The following KANSL1 variants were observed in gnomAD, a reference collection of about 807,000 sequenced individuals.
KANSL1 encodes KAT8 regulatory NSL complex subunit 1.
A neutral mutation model predicts 103.6 loss-of-function variants in KANSL1; 22 were observed. The ratio of observed to expected loss-of-function variants is 0.21; its 90% CI spans 0.15 to 0.30. The LOEUF is 0.30. Among genes scored for constraint, KANSL1 ranks in the 10% least tolerant of loss-of-function variants. The pLI is 1.00. For synonymous variants in KANSL1, 600 were observed against 527.6 expected (o/e 1.14, Z -1.88); for missense variants, 1,337 against 1,399.8 (o/e 0.96, Z 0.72).
chr17:46,220,428 G>C (rs1471577938), intron 1 of KANSL1, among the ~76,000 whole-genome samples: 1 of 152,084 alleles, frequency 6.6e-6, no homozygotes, highest in Non-Finnish European at 1.5e-5. Context: ...GTGTTAGCCA[G>C]GATGGTCTCG....
chr17:46,195,542 C>T (rs1371028197), upstream of KANSL1, among the ~76,000 whole-genome samples: 3 of 152,194 alleles, frequency 2.0e-5, no homozygotes, highest in Non-Finnish European at 4.4e-5. Flanking sequence ...TAAAATCAGA[C>T]ATCTTTCTTA....
At chr17:46,096,178 A>G (rs2042055614) in intron 2 of KANSL1, among the ~76,000 whole-genome samples, 1 of 147,618 alleles carries the variant, frequency 6.8e-6, no homozygotes, top group African/African-American at 2.5e-5. Context: ...CTCACACTCT[A>G]TCATTGAGGC....
intron 2 of KANSL1, among the ~76,000 whole-genome samples, chr17:46,147,737 G>A (rs1418372667): frequency 6.6e-6 from 1 of 152,200 alleles, no homozygotes; most frequent in Admixed American, 6.5e-5. Context: ...AGCATTGGAA[G>A]AAGTTGTAAG....
intron 1 of KANSL1, among the ~76,000 whole-genome samples, chr17:46,209,346 G>C (rs1289439196): frequency 6.6e-6 from 1 of 152,224 alleles, no homozygotes; most frequent in Non-Finnish European, 1.5e-5. Context: ...ACTGGGGAAG[G>C]TAGAGGGGAA....
chr17:46,092,755 T>C (rs1349701859), intron 3 of KANSL1: 1 of 142,760 alleles, frequency 7.0e-6, no homozygotes, highest in Non-Finnish European at 1.6e-5. Flanking sequence ...TATACTTCTA[T>C]GTCATTTCAG....
chr17:46,101,974 T>C (rs2042342148), intron 2 of KANSL1, among the ~76,000 whole-genome samples: 2 of 152,144 alleles, frequency 1.3e-5, no homozygotes, highest in South Asian at 4.1e-4. Context: ...AAAGTTCCAC[T>C]CTAAACAGAA....
intron 10 of KANSL1, 35 bp downstream of exon 10, chr17:46,038,503 A>AG: frequency 6.2e-7 from 1 of 1,609,208 alleles, no homozygotes; most frequent in Non-Finnish European, 8.5e-7. Flanking sequence ...TGACCTGCAG[A>AG]GGGGGTGTCC....
chr17:46,116,002 T>G (rs1489316872), intron 2 of KANSL1, among the ~76,000 whole-genome samples: 2 of 152,246 alleles, frequency 1.3e-5, no homozygotes, highest in Non-Finnish European at 2.9e-5. Flanking sequence ...ATTTTCTGAT[T>G]GGTTTTATAA....
chr17:46,095,506 C>T lies in KANSL1; in HGVS notation c.1290-805G>A, dbSNP rs534083742. Among the ~76,000 whole-genome samples, 6 of 152,176 alleles carry T rather than the reference C, an allele frequency of 3.9e-5. No individual in the cohort carries two copies. In the South Asian group the frequency reaches 1.0e-3, roughly 26 times the overall value. On this transcript the variant is annotated intron_variant, in intron 2 of 14. Transcript: ENST00000432791. Reference sequence around the variant, plus strand: ...TTAAAAAATCAGATCAGTGCAGAAACGATCAAACTACTCAATAAATAGTAC... The same window carrying T: ...TTAAAAAATCAGATCAGTGCAGAAATGATCAAACTACTCAATAAATAGTAC...
intron 1 of KANSL1, chr17:46,215,242 C>T (rs1027360346): frequency 6.6e-6 from 1 of 152,588 alleles, no homozygotes; most frequent in Admixed American, 6.5e-5. Flanking sequence ...GCAGAGGTAA[C>T]TGCTTGTGTG....
chr17:46,140,298 A>G (rs1221779443), intron 2 of KANSL1, among the ~76,000 whole-genome samples: 1 of 152,242 alleles, frequency 6.6e-6, no homozygotes, highest in Non-Finnish European at 1.5e-5. Flanking sequence ...TGATGGGGAA[A>G]AAAAGGTCTT....
chr17:46,034,352 A>T lies in KANSL1; in HGVS notation c.2542-67T>A, dbSNP rs2077090884. On this transcript the variant is annotated intron_variant, in intron 10 of 14. Coordinates refer to ENST00000432791, the MANE Select transcript of KANSL1 (RefSeq NM_015443.4). ...ACAGACATCAAATCATTCATCTAAG[A>T]GTTAAAGCAGGATCACCAATAACCA... The T allele has an allele frequency of 5.1e-6, 8 of 1,568,032 alleles. No homozygotes were observed. The East Asian group carries it at 1.8e-4, about 35-fold the overall frequency.
chr17:46,173,252 G>C (rs1311834674), intron 1 of KANSL1, among the ~76,000 whole-genome samples: 2 of 152,182 alleles, frequency 1.3e-5, no homozygotes, highest in African/African-American at 4.8e-5. Context: ...AGTATGGTGA[G>C]GTTTCTTAAC....
At chr17:46,165,698 A>G (rs1266187353) in intron 2 of KANSL1, among the ~76,000 whole-genome samples, 1 of 151,320 alleles carries the variant, frequency 6.6e-6, no homozygotes, top group African/African-American at 2.4e-5. Flanking sequence ...TTTGGTAGAG[A>G]CGGGGTTTCA....
At chr17:46,116,191 T>C (rs2043037561) in intron 2 of KANSL1, among the ~76,000 whole-genome samples, 1 of 152,150 alleles carries the variant, frequency 6.6e-6, no homozygotes, top group African/African-American at 2.4e-5. Flanking sequence ...TTATTAGAAA[T>C]AGCTCAGCAC....
chr17:46,215,157 A>T (rs1191043701), intron 1 of KANSL1: 1 of 152,330 alleles, frequency 6.6e-6, no homozygotes, highest in Non-Finnish European at 1.5e-5. Context: ...AAACACCAAT[A>T]TACTTGGACC....
intron 2 of KANSL1, among the ~76,000 whole-genome samples, chr17:46,096,311 C>CTTTTTTTTTTCTTTTTTTT (rs2042070295): frequency 1.3e-5 from 1 of 76,408 alleles, no homozygotes; most frequent in Non-Finnish European, 2.5e-5. Context: ...GCTTTTTTTT[C>CTTTTTTTTTTCTTTTTTTT]TTTTTTTTTT....
At chr17:46,189,354 G>A (rs374697491) in intron 1 of KANSL1, among the ~76,000 whole-genome samples, 1 of 152,152 alleles carries the variant, frequency 6.6e-6, no homozygotes, top group Non-Finnish European at 1.5e-5. Flanking sequence ...GGAACGGAGA[G>A]GTCCTTTGTT....
chr17:46,081,297 C>T (rs1568425877), intron 4 of KANSL1, among the ~76,000 whole-genome samples: 1 of 152,104 alleles, frequency 6.6e-6, no homozygotes, highest in Non-Finnish European at 1.5e-5. Flanking sequence ...TTTCCTGTAC[C>T]CATACCACCA....
Sources: allele counts gnomAD v4.1 joint callset (sites outside exome capture counted in the v4.1 genomes callset), GRCh38; gene constraint gnomAD v4.1.1; transcripts MANE v1.5; gene names NCBI Gene and HGNC (gene_info 2026-07-23, HGNC 2026-07-21).